COL5A2: variants seen among roughly 807,000 people sequenced by gnomAD.
COL5A2 encodes the protein collagen type V alpha 2 chain.
COL5A2 carries 23 observed loss-of-function variants against 208.2 expected under a neutral mutation model. That is an observed-to-expected ratio of 0.11 (90% CI 0.08 to 0.16). COL5A2 has a LOEUF of 0.16. COL5A2 is among the 10% of genes least tolerant of loss of function. COL5A2 has a pLI of 1.00. For missense variants in COL5A2, 1,590 were observed against 1,956.4 expected (o/e 0.81, Z 3.53); for synonymous variants, 625 against 628.5 (o/e 0.99, Z 0.08).
intron 31 of COL5A2, among the ~76,000 whole-genome samples, chr2:189,059,585 G>T (rs534857758): frequency 4.7e-3 from 135 of 28,606 alleles, no homozygotes; most frequent in Middle Eastern, 0.083. Context: ...TTCTTTTCTG[G>T]TTTTTTTTTT....
At chr2:189,038,397 T>C (rs1559073044) in intron 51 of COL5A2, among the ~76,000 whole-genome samples, 1 of 152,228 alleles carries the variant, frequency 6.6e-6, no homozygotes, top group Non-Finnish European at 1.5e-5. Context: ...TTCCATCATA[T>C]ATATGTACCA....
chr2:189,296,470 C>T, the COL5A2 span, among the ~76,000 whole-genome samples: 7 of 152,122 alleles, frequency 4.6e-5, no homozygotes, highest in Non-Finnish European at 8.8e-5. Context: ...AACAATAGAT[C>T]ACATTTGCTG....
chr2:189,270,018 G>T, the COL5A2 span, among the ~76,000 whole-genome samples: 3 of 152,240 alleles, frequency 2.0e-5, no homozygotes, highest in Admixed American at 1.3e-4. Flanking sequence ...TAGTTTATTT[G>T]CATAGAGGTG....
At chr2:189,368,866 G>A in the COL5A2 span, among the ~76,000 whole-genome samples, 1 of 151,976 alleles carries the variant, frequency 6.6e-6, no homozygotes, top group African/African-American at 2.4e-5. Context: ...TAGTTAACTC[G>A]GCCTATTCAG....
intron 1 of COL5A2, among the ~76,000 whole-genome samples, chr2:189,203,534 AT>A (rs1275501614): frequency 6.6e-6 from 1 of 152,150 alleles, no homozygotes; most frequent in Non-Finnish European, 1.5e-5. Context: ...ATATTTTAAA[AT>A]TTTTTTACAG....
intron 2 of COL5A2, among the ~76,000 whole-genome samples, chr2:189,108,441 T>C (rs555048980): frequency 1.8e-3 from 268 of 152,040 alleles, no homozygotes; most frequent in African/African-American, 6.2e-3. Flanking sequence ...CACTGTCTTC[T>C]GACACTGGAT....
the COL5A2 span, among the ~76,000 whole-genome samples, chr2:189,322,858 A>G: frequency 6.6e-6 from 1 of 152,230 alleles, no homozygotes; most frequent in African/African-American, 2.4e-5. Flanking sequence ...AAAGCCTGGC[A>G]GAGGCACAAC....
intron 1 of COL5A2, among the ~76,000 whole-genome samples, chr2:189,205,776 A>C (rs755930946): frequency 5.6e-4 from 85 of 152,238 alleles, no homozygotes; most frequent in Non-Finnish European, 9.4e-4. Context: ...GGTTTAAAAA[A>C]ACATAATTTA....
chr2:189,433,835 G>T, the COL5A2 span, among the ~76,000 whole-genome samples: 1 of 152,132 alleles, frequency 6.6e-6, no homozygotes, highest in Non-Finnish European at 1.5e-5. Context: ...CATTTTATGA[G>T]GCCAGCATCA....
intron 33 of COL5A2, among the ~76,000 whole-genome samples, chr2:189,057,955 T>C (rs1685937535): frequency 6.6e-6 from 1 of 152,160 alleles, no homozygotes; most frequent in Non-Finnish European, 1.5e-5. Context: ...TTTCTACCAA[T>C]CACTAAATGG....
chr2:189,205,657 G>A (rs1040738448), intron 1 of COL5A2, among the ~76,000 whole-genome samples: 1 of 152,168 alleles, frequency 6.6e-6, no homozygotes, highest in Non-Finnish European at 1.5e-5. Flanking sequence ...ATGAAGATTA[G>A]TAAAGTAATT....
At chr2:189,277,413 G>A in the COL5A2 span, among the ~76,000 whole-genome samples, 1 of 152,020 alleles carries the variant, frequency 6.6e-6, no homozygotes, top group African/African-American at 2.4e-5. Flanking sequence ...GGTTGAAAAC[G>A]CAAAGGCTGG....
intron 17 of COL5A2, among the ~76,000 whole-genome samples, chr2:189,072,835 T>C (rs1047670956): frequency 2.7e-5 from 4 of 149,208 alleles, no homozygotes; most frequent in East Asian, 1.9e-4. Flanking sequence ...TGGATATTTA[T>C]GGATATTTAT....
the COL5A2 span, chr2:189,311,993 G>A: frequency 1.3e-6 from 1 of 750,356 alleles, no homozygotes; most frequent in Non-Finnish European, 2.4e-6. Flanking sequence ...GGAGCCCATG[G>A]ATGTCACTCT....
At chr2:189,348,577 C>A in the COL5A2 span, among the ~76,000 whole-genome samples, 1 of 152,106 alleles carries the variant, frequency 6.6e-6, no homozygotes, top group Non-Finnish European at 1.5e-5. Context: ...AATGTGTCAT[C>A]TTGAGGAAAT....
At chr2:189,414,210 G>A in the COL5A2 span, among the ~76,000 whole-genome samples, 17 of 152,206 alleles carry the variant, frequency 1.1e-4, no homozygotes, top group Admixed American at 6.5e-4. Context: ...TTCAGTCTTC[G>A]CAAGTGTAAA....
At chr2:189,113,766 A>AT (rs149696409) in intron 1 of COL5A2, among the ~76,000 whole-genome samples, 20,819 of 150,644 alleles carry the variant, frequency 0.14, 1,439 homozygotes, top group Middle Eastern at 0.2. Context: ...AAGGATATAT[A>AT]TGCTGATGGG....
intron 1 of COL5A2, among the ~76,000 whole-genome samples, chr2:189,198,173 C>T (rs1303407209): frequency 2.0e-5 from 3 of 152,080 alleles, no homozygotes; most frequent in Non-Finnish European, 2.9e-5. Flanking sequence ...GTATGTTAGT[C>T]TTTATCCTGG....
At chr2:189,266,707 T>C in the COL5A2 span, among the ~76,000 whole-genome samples, 1 of 152,116 alleles carries the variant, frequency 6.6e-6, no homozygotes, top group African/African-American at 2.4e-5. Context: ...ATTAGGATGC[T>C]TGAACTCTGT....
Sources: allele counts gnomAD v4.1 joint callset (sites outside exome capture counted in the v4.1 genomes callset), GRCh38; gene constraint gnomAD v4.1.1; transcripts MANE v1.5; gene names NCBI Gene and HGNC (gene_info 2026-07-23, HGNC 2026-07-21).